Variants in ADHFE1 observed in about 807,000 individuals in gnomAD.
ADHFE1 encodes hydroxyacid-oxoacid transhydrogenase, mitochondrial.
In ADHFE1, 37 loss-of-function variants were observed where a neutral mutation model predicts 54.8. The observed-to-expected ratio is 0.68, with a 90% CI of 0.52 to 0.89. The LOEUF (loss-of-function observed/expected upper bound fraction) is 0.89, where lower values mean the gene tolerates loss of function less well. Ranked by LOEUF, ADHFE1 falls within the 40% of genes least tolerant of loss-of-function variation. ADHFE1 has a pLI of 0.00. For missense variants in ADHFE1, 601 were observed against 591.2 expected (o/e 1.02, Z -0.17); for synonymous variants, 203 against 229.3 (o/e 0.89, Z 1.04).
At chr8:66,455,668 A>G (rs954086243) in intron 10 of ADHFE1, among the ~76,000 whole-genome samples, 2 of 152,252 alleles carry the variant, frequency 1.3e-5, no homozygotes, top group African/African-American at 4.8e-5. Context: ...TCTAATCCCA[A>G]CAATGGGAAG....
In ADHFE1 at chr8:66,454,439, A is replaced by G. The variant is rs188148730; in HGVS notation, c.986+282A>G. ...TTTTTTCTTTTTTCCACCATCAGCT[A>G]TAAAGTAGAAACCTAAATGTATTCT... On this transcript the variant is annotated intron_variant, in intron 10 of 13. Coordinates refer to ENST00000396623, the MANE Select transcript of ADHFE1 (RefSeq NM_144650.3). Among the ~76,000 whole-genome samples the G allele has an allele frequency of 1.7e-3, 259 of 152,158 alleles. 1 individual carries two copies. Among genetic ancestry groups the G allele is most frequent in the African/African-American group, 5.8e-3 (242 of 41,524 alleles).
intron 9 of ADHFE1, among the ~76,000 whole-genome samples, chr8:66,452,751 T>A (rs1806365100): frequency 6.6e-6 from 1 of 152,206 alleles, no homozygotes. Context: ...GACAGATTTA[T>A]GAATACAAGT....
chr8:66,436,760 AAAG>A (rs1418192361), intron 1 of ADHFE1, among the ~76,000 whole-genome samples: 2 of 152,202 alleles, frequency 1.3e-5, no homozygotes, highest in Non-Finnish European at 2.9e-5. Context: ...TGTGGAAAGA[AAAG>A]AAAAAGTTCC....
At chr8:66,460,604 A>G (rs1036428691) in intron 13 of ADHFE1, 139 bp downstream of exon 13, 16 of 1,010,802 alleles carry the variant, frequency 1.6e-5, no homozygotes, top group Non-Finnish European at 2.2e-5. Flanking sequence ...AGCAGACAGC[A>G]GTTCTGTCCT....
chr8:66,432,629 C>G, intron 1 of ADHFE1, 54 bp downstream of exon 1: 1 of 1,275,420 alleles, frequency 7.8e-7, no homozygotes, highest in South Asian at 2.5e-5. Flanking sequence ...CACGCAGCCC[C>G]CTGGGTGTGA....
Position 66,445,366 on chromosome 8 carries a change from A to G in ADHFE1, c.502A>G (p.Ile168Val), listed in dbSNP as rs751431769. 1.9e-6 allele frequency: 3 copies of G among 1,613,874 alleles called. No homozygotes were observed. The highest frequency in any genetic ancestry group is 2.5e-6 in the Non-Finnish European group (3 of 1,179,968). The change falls in exon 6 of 14, where the codon ATT becomes GTT. Residue 168 changes from isoleucine (I) to valine (V), a missense_variant. Transcript: ENST00000396623. Reference protein sequence around the residue: ...SDFLDYVSAPIGKGKPVSVPL... With the variant: ...SDFLDYVSAPVGKGKPVSVPL... ...TTTCCTAGATTATGTCAGTGCCCCCATTGGCAAGGGAAAGCCTGTGTCTGT... is the reference window on the plus strand; with the variant it reads ...TTTCCTAGATTATGTCAGTGCCCCCGTTGGCAAGGGAAAGCCTGTGTCTGT...
chr8:66,437,317 G>C (rs555716247), intron 1 of ADHFE1, among the ~76,000 whole-genome samples: 1 of 152,276 alleles, frequency 6.6e-6, no homozygotes, highest in East Asian at 1.9e-4. Flanking sequence ...AGATGAGAGG[G>C]GCTGCGATTT....
At chr8:66,455,375 G>T (rs1301416377) in intron 10 of ADHFE1, among the ~76,000 whole-genome samples, 2 of 152,194 alleles carry the variant, frequency 1.3e-5, no homozygotes, top group Non-Finnish European at 2.9e-5. Flanking sequence ...CAATAGCCCA[G>T]AATTAATCTC....
At chr8:66,444,803 A>G (rs770894539) in intron 5 of ADHFE1, 55 bp downstream of exon 5, 57 of 1,601,420 alleles carry the variant, frequency 3.6e-5, no homozygotes, top group Non-Finnish European at 4.4e-5. Context: ...CTAACTGTTG[A>G]TTAAAACTTG....
intron 10 of ADHFE1, among the ~76,000 whole-genome samples, chr8:66,455,748 C>T (rs905607952): frequency 1.3e-5 from 2 of 152,122 alleles, no homozygotes; most frequent in Admixed American, 6.5e-5. Context: ...GGTGAAACCC[C>T]GTCTCTACAA....
chr8:66,439,756 A>G lies in ADHFE1; in HGVS notation c.60-406A>G, dbSNP rs923722256. The G allele has an allele frequency of 1.1e-5, 11 of 1,017,922 alleles. No individual in the cohort carries two copies. Among genetic ancestry groups the G allele is most frequent in the African/African-American group, 3.4e-5 (2 of 58,224 alleles). The allele number at this position is 1,017,922 out of a possible 1,614,324, so 63.1% of individuals were successfully genotyped here. Reference sequence around the variant, plus strand: ...ATAAGGCAAGTTCCCAGCATAGGGTAGTAAGTAAGAAGAGGCACACAGAGT... The same window carrying G: ...ATAAGGCAAGTTCCCAGCATAGGGTGGTAAGTAAGAAGAGGCACACAGAGT... On this transcript the variant is annotated intron_variant, in intron 1 of 13. Coordinates refer to ENST00000396623, the MANE Select transcript of ADHFE1 (RefSeq NM_144650.3). This position sits in a 1 kb window ranked among gnomAD's most constrained non-coding sequence, Gnocchi z 4.4.
rs1259329307 is a variant in ADHFE1 at position 66,456,953 on chromosome 8, A to C, written c.1065+58A>C. Reference sequence around the variant, plus strand: ...TATTATAATCATCCCAATTTCCATAAATATATTTGCCAATTCTCGCCTGCT... The same window carrying C: ...TATTATAATCATCCCAATTTCCATACATATATTTGCCAATTCTCGCCTGCT... On this transcript the variant is annotated intron_variant, in intron 11 of 13. Coordinates refer to ENST00000396623, the MANE Select transcript of ADHFE1 (RefSeq NM_144650.3). The C allele has an allele frequency of 2.8e-6, 4 of 1,452,824 alleles. No homozygotes were observed. In the Admixed American group the frequency reaches 9.2e-5, roughly 33 times the overall value. 90.0% of individuals were successfully genotyped at this position (1,452,824 alleles called of 1,614,324 possible).
intron 13 of ADHFE1, among the ~76,000 whole-genome samples, chr8:66,462,682 A>G (rs1302581861): frequency 2.0e-5 from 3 of 152,232 alleles, no homozygotes; most frequent in Non-Finnish European, 4.4e-5. Context: ...GTGTGGGTCC[A>G]TCTCTAAGAA....
At chr8:66,441,246 A>G (rs1051247294) in intron 2 of ADHFE1, among the ~76,000 whole-genome samples, 5 of 152,200 alleles carry the variant, frequency 3.3e-5, no homozygotes, top group African/African-American at 1.2e-4. Context: ...ATTTTTATAT[A>G]CAGAGAGAGA....
chr8:66,447,146 C>A, intron 6 of ADHFE1, 118 bp from the exon 7 acceptor site: 1 of 715,236 alleles, frequency 1.4e-6, no homozygotes, highest in Non-Finnish European at 2.3e-6. Flanking sequence ...ATCATGCAAA[C>A]AAGAGGGTCA....
In ADHFE1 at chr8:66,460,319, C is replaced by A. The variant is rs746517198; in HGVS notation, c.1174C>A (p.Arg392Ser). 1 of 1,614,146 alleles carries A rather than the reference C, an allele frequency of 6.2e-7. No individual in the cohort carries two copies. The highest frequency in any genetic ancestry group is 1.3e-5 in the African/African-American group (1 of 75,060). The change falls in exon 13 of 14, where the codon CGC becomes AGC. Residue 392 changes from arginine to serine, a missense_variant. Coordinates refer to ENST00000396623, the MANE Select transcript of ADHFE1 (RefSeq NM_144650.3). ...EMAEILGADT[R>S]TARIQDAGLV... ...TTTATGTCTTCTAGGAGCCGACACC[C>A]GCACTGCCAGGATCCAAGATGCAGG...
At position 66,468,254 on chromosome 8, in the gene ADHFE1, C is replaced by T; in HGVS notation, c.1321-15C>T. 1.2e-6 allele frequency: 2 copies of T among 1,603,414 alleles called. No individual in the cohort carries two copies. Among genetic ancestry groups the T allele is most frequent in the Non-Finnish European group, 1.7e-6 (2 of 1,174,896 alleles). On this transcript the variant is annotated splice_polypyrimidine_tract_variant and intron_variant, in intron 13 of 13. Coordinates refer to ENST00000396623, the MANE Select transcript of ADHFE1 (RefSeq NM_144650.3). ...TTTCAAAGCCCTGGGTAACTTCTTT[C>T]ATTTACTGTTTCAGGAAAGGGTCAC...
In ADHFE1 at chr8:66,436,019, G is replaced by A. The variant is rs756544075; in HGVS notation, c.59+3444G>A. 5.3e-5 allele frequency among the ~76,000 whole-genome samples: 8 copies of A among 150,648 alleles called. No homozygotes were observed. The South Asian group carries it at 1.0e-3, about 20-fold the overall frequency. ...CAACCTCCACCTCCTGGGTTCGAGC[G>A]ATTCTTCTGCCTCAGCCTGCTGAGT... On this transcript the variant is annotated intron_variant, in intron 1 of 13. Transcript: ENST00000396623.
chr8:66,441,325 C>A (rs983301507), intron 2 of ADHFE1, among the ~76,000 whole-genome samples: 3 of 152,198 alleles, frequency 2.0e-5, no homozygotes, highest in Admixed American at 6.5e-5. Context: ...TACCCTCAAA[C>A]TCCTGGGCTA....
Sources: allele counts gnomAD v4.1 joint callset (sites outside exome capture counted in the v4.1 genomes callset), GRCh38; gene constraint gnomAD v4.1.1; non-coding constraint Gnocchi (gnomAD v3.1); transcripts MANE v1.5; gene names NCBI Gene and HGNC (gene_info 2026-07-23, HGNC 2026-07-21).